The following PCDH15 variants were observed in gnomAD, a reference collection of about 807,000 sequenced individuals.
The protein encoded by PCDH15 is protocadherin-15.
In PCDH15, 129 loss-of-function variants were observed where a neutral mutation model predicts 178.5. That is an observed-to-expected ratio of 0.72 (90% CI 0.63 to 0.84). PCDH15 has a LOEUF of 0.84. Ranked by LOEUF, PCDH15 falls within the 40% of genes least tolerant of loss-of-function variation. PCDH15 has a pLI of 0.00. For missense variants in PCDH15, 2,230 were observed against 2,099.9 expected (o/e 1.06, Z -1.21); for synonymous variants, 800 against 732.0 (o/e 1.09, Z -1.50).
intron 13 of PCDH15, among the ~76,000 whole-genome samples, chr10:54,176,403 C>T (rs2047446733): frequency 6.6e-6 from 1 of 152,038 alleles, no homozygotes; most frequent in African/African-American, 2.4e-5. Context: ...AAAGAGGTAA[C>T]AATTGTACTG....
At chr10:53,878,311 TATTCTATATATATAG>T (rs1489728878) in intron 26 of PCDH15, among the ~76,000 whole-genome samples, 2 of 78,208 alleles carry the variant, frequency 2.6e-5, no homozygotes, top group African/African-American at 7.7e-5. Context: ...AGACTATATA[TATTCTATATATATAG>T]TCTATATAGT....
intron 2 of PCDH15, among the ~76,000 whole-genome samples, chr10:55,126,108 T>C (rs1837893580): frequency 6.6e-6 from 1 of 151,996 alleles, no homozygotes; most frequent in African/African-American, 2.4e-5. Flanking sequence ...AGCCTTTTCC[T>C]CTCCCTTTCC....
intron 9 of PCDH15, among the ~76,000 whole-genome samples, chr10:54,225,523 T>C (rs971817158): frequency 6.6e-6 from 1 of 152,208 alleles, no homozygotes; most frequent in African/African-American, 2.4e-5. Context: ...TGTCATTTCA[T>C]ACTTGTACCA....
chr10:53,918,988 C>A (rs1346615458), intron 25 of PCDH15, among the ~76,000 whole-genome samples: 1 of 152,104 alleles, frequency 6.6e-6, no homozygotes, highest in African/African-American at 2.4e-5. Flanking sequence ...ATTCCTTAAG[C>A]TTAGTGTCCT....
chr10:55,352,980 G>A (rs1231149340), intron 2 of PCDH15, among the ~76,000 whole-genome samples: 1 of 152,122 alleles, frequency 6.6e-6, no homozygotes, highest in East Asian at 1.9e-4. Context: ...AGCTGGCATT[G>A]GTCAACAGAA....
At chr10:54,316,564 ACACACACACAC>A (rs796898910) in intron 8 of PCDH15, among the ~76,000 whole-genome samples, 8,738 of 62,466 alleles carry the variant, frequency 0.14, 335 homozygotes, top group Admixed American at 0.19. Flanking sequence ...ACACACACAC[ACACACACACAC>A]AAATACACCT....
chr10:54,792,108 G>T (rs1382361454), intron 1 of PCDH15, among the ~76,000 whole-genome samples: 1 of 151,854 alleles, frequency 6.6e-6, no homozygotes, highest in African/African-American at 2.4e-5. Context: ...ATAATCTGGG[G>T]CAGGGCTCCA....
chr10:54,131,414 C>A (rs2042424925), intron 15 of PCDH15, among the ~76,000 whole-genome samples: 1 of 151,988 alleles, frequency 6.6e-6, no homozygotes, highest in Non-Finnish European at 1.5e-5. Flanking sequence ...GATCTTATTA[C>A]TCCATTAAAT....
At chr10:54,644,713 T>C (rs546789876) in intron 2 of PCDH15, among the ~76,000 whole-genome samples, 87 of 152,288 alleles carry the variant, frequency 5.7e-4, no homozygotes, top group African/African-American at 2.0e-3. Flanking sequence ...TCTTTTAACA[T>C]TGTATTATGG....
intron 1 of PCDH15, among the ~76,000 whole-genome samples, chr10:55,297,759 G>A (rs1056589822): frequency 2.1e-4 from 32 of 152,082 alleles, no homozygotes; most frequent in African/African-American, 7.5e-4. Context: ...CCTAGTAAGG[G>A]GCTGGGGCAT....
At chr10:54,831,568 C>T (rs1205682492) in intron 3 of PCDH15, among the ~76,000 whole-genome samples, 1 of 152,058 alleles carries the variant, frequency 6.6e-6, no homozygotes, top group Non-Finnish European at 1.5e-5. Flanking sequence ...GAACTATATA[C>T]TGTAGCTTTG....
chr10:55,195,080 C>T (rs1441880119), intron 1 of PCDH15, among the ~76,000 whole-genome samples: 1 of 149,848 alleles, frequency 6.7e-6, no homozygotes, highest in African/African-American at 2.5e-5. Context: ...CTGGAGTGCA[C>T]TGGTGGGATC....
chr10:55,407,823 A>C (rs533610189), intron 2 of PCDH15, among the ~76,000 whole-genome samples: 1 of 152,210 alleles, frequency 6.6e-6, no homozygotes, highest in Non-Finnish European at 1.5e-5. Context: ...TGGATGCATG[A>C]AGAAATAAAG....
At chr10:54,734,597 A>G (rs964190207) in intron 1 of PCDH15, among the ~76,000 whole-genome samples, 4 of 152,018 alleles carry the variant, frequency 2.6e-5, no homozygotes, top group African/African-American at 7.2e-5. Context: ...TCAGAAATCT[A>G]TGCAAATGGC....
chr10:55,353,632 T>C (rs1309461250), intron 2 of PCDH15, among the ~76,000 whole-genome samples: 1 of 152,040 alleles, frequency 6.6e-6, no homozygotes, highest in Non-Finnish European at 1.5e-5. Flanking sequence ...ACAGTTGCTA[T>C]AGCACTGAGT....
chr10:53,964,495 AAAATTTTATTTAT>A (rs1212721471), intron 21 of PCDH15, among the ~76,000 whole-genome samples: 1 of 83,566 alleles, frequency 1.2e-5, no homozygotes, highest in Non-Finnish European at 2.4e-5. Flanking sequence ...ATTATTTATA[AAAATTTTATTTAT>A]AAATTTTATT....
intron 2 of PCDH15, among the ~76,000 whole-genome samples, chr10:55,153,796 C>T (rs1838803406): frequency 6.6e-6 from 1 of 152,192 alleles, no homozygotes; most frequent in South Asian, 2.1e-4. Context: ...TAGGTTTGAG[C>T]TCTGACCTTG....
intron 14 of PCDH15, among the ~76,000 whole-genome samples, chr10:54,143,209 GT>G (rs1459518787): frequency 3.3e-5 from 5 of 152,108 alleles, no homozygotes; most frequent in African/African-American, 1.2e-4. Flanking sequence ...ATATGGATGG[GT>G]TGTTAAAATG....
intron 2 of PCDH15, among the ~76,000 whole-genome samples, chr10:55,395,194 T>A (rs538112267): frequency 3.4e-4 from 31 of 91,096 alleles, no homozygotes; most frequent in African/African-American, 1.1e-3. Flanking sequence ...TGTGTGTGTG[T>A]GTGAGAGAGA....
Sources: gnomAD v4.1 joint callset for allele counts (sites outside exome capture counted in the v4.1 genomes callset) on GRCh38, gnomAD v4.1.1 for gene constraint, MANE v1.5 for transcripts, NCBI Gene and HGNC (gene_info 2026-07-23, HGNC 2026-07-21) for gene names.